Variants in NT5DC4 observed in about 807,000 individuals in gnomAD.
NT5DC4 encodes the protein 5'-nucleotidase domain-containing protein 4.
NT5DC4 carries 44 observed loss-of-function variants against 26.6 expected under a neutral mutation model. The observed-to-expected ratio is 1.65, with a 90% CI of 1.30 to 2.13. The LOEUF (loss-of-function observed/expected upper bound fraction) is 2.13. Among genes scored for constraint, NT5DC4 ranks in the 30% most tolerant of loss-of-function variants. The probability of loss-of-function intolerance (pLI) is 0.00; values close to 1 mark genes in which losing one functional copy is unlikely to be tolerated. For synonymous variants in NT5DC4, 157 were observed against 86.7 expected (o/e 1.81, Z -4.51); for missense variants, 399 against 228.1 (o/e 1.75, Z -4.83).
intron 16 of NT5DC4, chr2:112,738,031 T>C (rs1262787785): frequency 6.6e-6 from 1 of 152,166 alleles, no homozygotes; most frequent in Non-Finnish European, 1.5e-5. Flanking sequence ...AAAAGCAACC[T>C]ACAACAGTCT....
At chr2:112,740,467 C>T (rs1165589422), downstream of NT5DC4, among the ~76,000 whole-genome samples, 2 of 152,192 alleles carry the variant, frequency 1.3e-5, no homozygotes, top group Non-Finnish European at 2.9e-5. Context: ...CTAGTACATA[C>T]TCCACTGCTC....
upstream of NT5DC4, among the ~76,000 whole-genome samples, chr2:112,720,907 G>C (rs1387083565): frequency 6.6e-6 from 1 of 152,220 alleles, no homozygotes; most frequent in African/African-American, 2.4e-5. Context: ...ACCAGAGCCT[G>C]TCCTGGCTGA....
chr2:112,728,965 C>T (rs189121036), intron 15 of NT5DC4, among the ~76,000 whole-genome samples: 470 of 152,282 alleles, frequency 3.1e-3, no homozygotes, highest in Non-Finnish European at 5.4e-3. Flanking sequence ...TGGCCCAGAC[C>T]GCTCCTGTGG....
chr2:112,737,565 A>G (rs2104827371), intron 16 of NT5DC4: 1 of 152,126 alleles, frequency 6.6e-6, no homozygotes, highest in Middle Eastern at 3.4e-3. Flanking sequence ...GCCCATTTTT[A>G]ATTATTAGTT....
chr2:112,741,684 ACTATTAT>A (rs140866851), downstream of NT5DC4, among the ~76,000 whole-genome samples: 241 of 152,262 alleles, frequency 1.6e-3, 1 homozygote, highest in African/African-American at 5.5e-3. Flanking sequence ...CAAAGAATCT[ACTATTAT>A]CTATTTTATG....
At chr2:112,728,369 C>G (rs1401143002) in intron 15 of NT5DC4, among the ~76,000 whole-genome samples, 2 of 152,156 alleles carry the variant, frequency 1.3e-5, no homozygotes, top group Non-Finnish European at 2.9e-5. Flanking sequence ...AACACTCTGG[C>G]TGGTTTTCCT....
downstream of NT5DC4, chr2:112,740,825 T>C (rs142300577): frequency 3.0e-5 from 49 of 1,608,992 alleles, no homozygotes; most frequent in Non-Finnish European, 4.1e-5. Flanking sequence ...TACCTAGGGA[T>C]TGGACCAATC....
At position 112,725,266 on chromosome 2, in the gene NT5DC4, A is replaced by G. The variant is rs549682667; in HGVS notation, c.982+26A>G. 193 of 698,060 alleles carry G rather than the reference A, an allele frequency of 2.8e-4. 1 individual carries two copies. The highest frequency in any genetic ancestry group is 2.8e-3 in the African/African-American group (155 of 56,280). 43.2% of individuals were successfully genotyped at this position (698,060 alleles called of 1,614,324 possible). ...GTACCAGCTCCCACCATGCCCCATC[A>G]CTCCTTGGGCACCCTCCTTCCCTCG... On this transcript the variant is annotated intron_variant, in intron 12 of 16. Transcript: ENST00000688554.
In NT5DC4 at chr2:112,738,463, A is replaced by C. The variant is rs530066842; in HGVS notation, c.1345-450A>C. Reference sequence around the variant, plus strand: ...CGATGAAAGAACTTGCCCTCTGCTAAGGTGGATGCAGAAAGAAAAGTCCCA... The same window carrying C: ...CGATGAAAGAACTTGCCCTCTGCTACGGTGGATGCAGAAAGAAAAGTCCCA... On this transcript the variant is annotated intron_variant, in intron 16 of 16. Coordinates refer to ENST00000688554, the MANE Select transcript of NT5DC4 (RefSeq NM_001393655.1). 19 of 215,508 alleles carry C rather than the reference A, an allele frequency of 8.8e-5. No individual in the cohort carries two copies. In the South Asian group the frequency reaches 1.3e-3, roughly 15 times the overall value. The allele number at this position is 215,508 out of a possible 1,614,324, so 13.3% of individuals were successfully genotyped here.
At chr2:112,721,497 C>A (rs1230717811) in intron 1 of NT5DC4, 3 of 717,846 alleles carry the variant, frequency 4.2e-6, no homozygotes, top group Non-Finnish European at 7.8e-6. Context: ...CTCACACCAA[C>A]AACTGCACCT....
downstream of NT5DC4, chr2:112,742,298 G>T: frequency 1.4e-6 from 1 of 696,002 alleles, no homozygotes; most frequent in Non-Finnish European, 2.7e-6. Flanking sequence ...TCATCCAATT[G>T]AAGAGATTCC....
chr2:112,728,642 G>A (rs59731251), intron 15 of NT5DC4, among the ~76,000 whole-genome samples: 2,073 of 152,304 alleles, frequency 0.014, 48 homozygotes, highest in African/African-American at 0.047. Context: ...CCTTCCAGAC[G>A]TTTGAGAGGG....
In NT5DC4 at chr2:112,733,966, C is replaced by G. The variant is rs569781701; in HGVS notation, c.1344+4262C>G. Among the ~76,000 whole-genome samples the G allele has an allele frequency of 5.9e-5, 9 of 152,210 alleles. No individual in the cohort carries two copies. The South Asian group carries it at 1.9e-3, about 32-fold the overall frequency. Reference sequence around the variant, plus strand: ...CTTATCATCACCTTAGTCCTCATTTCCTTACTTTAAATAGAGATAGGAGTT... The same window carrying G: ...CTTATCATCACCTTAGTCCTCATTTGCTTACTTTAAATAGAGATAGGAGTT... On this transcript the variant is annotated intron_variant, in intron 16 of 16. Transcript: ENST00000688554.
In NT5DC4 at chr2:112,726,755, G is replaced by A. The variant is rs1489121223; in HGVS notation, c.1266+17G>A. The A allele has an allele frequency of 2.5e-5, 18 of 717,498 alleles. No individual in the cohort carries two copies. Among genetic ancestry groups the A allele is most frequent in the Non-Finnish European group, 4.2e-5 (16 of 385,096 alleles). The allele number at this position is 717,498 out of a possible 1,614,324, so 44.4% of individuals were successfully genotyped here. A position where few individuals can be genotyped will look rare whatever the true frequency, so the allele number is the denominator to read the frequency against. ...GAGATCCAGGTGGGAGCTGGGTGGCGAGGGAAGGGACAGGCCCAGCAGGGG... is the reference window on the plus strand; with the variant it reads ...GAGATCCAGGTGGGAGCTGGGTGGCAAGGGAAGGGACAGGCCCAGCAGGGG... On this transcript the variant is annotated intron_variant, in intron 15 of 16. Coordinates refer to ENST00000688554, the MANE Select transcript of NT5DC4 (RefSeq NM_001393655.1).
chr2:112,736,619 G>A (rs1388508377), intron 16 of NT5DC4: 1 of 151,972 alleles, frequency 6.6e-6, no homozygotes, highest in African/African-American at 2.4e-5. Flanking sequence ...CCCAATCTGT[G>A]GTAAGCACTT....
intron 16 of NT5DC4, among the ~76,000 whole-genome samples, 181 bp downstream of exon 16, chr2:112,729,885 A>G (rs1678273008): frequency 1.3e-5 from 2 of 152,186 alleles, no homozygotes; most frequent in Non-Finnish European, 2.9e-5. Context: ...GTATTATTTT[A>G]TTGTAAAATG....
chr2:112,718,919 T>C (rs2104684193), upstream of NT5DC4, among the ~76,000 whole-genome samples: 1 of 152,334 alleles, frequency 6.6e-6, no homozygotes, highest in Non-Finnish European at 1.5e-5. Flanking sequence ...CATTCATGCA[T>C]CCACCCATCT....
chr2:112,741,069 C>A, downstream of NT5DC4: 1 of 1,086,478 alleles, frequency 9.2e-7, no homozygotes, highest in South Asian at 1.4e-5. Context: ...AACTAGAAGT[C>A]AATAACATGA....
chr2:112,734,494 A>C (rs1678849235), intron 16 of NT5DC4, among the ~76,000 whole-genome samples: 1 of 152,160 alleles, frequency 6.6e-6, no homozygotes, highest in African/African-American at 2.4e-5. Flanking sequence ...CTCTACCAGG[A>C]AGCATCTTTC....
Sources: allele counts gnomAD v4.1 joint callset (sites outside exome capture counted in the v4.1 genomes callset), GRCh38; gene constraint gnomAD v4.1.1; transcripts MANE v1.5; gene names NCBI Gene and HGNC (gene_info 2026-07-23, HGNC 2026-07-21).